EFTUD2: variants seen among roughly 807,000 people sequenced by gnomAD.
EFTUD2 encodes 116 kDa U5 small nuclear ribonucleoprotein component.
In EFTUD2, 9 loss-of-function variants were observed where a neutral mutation model predicts 114.3. The ratio of observed to expected loss-of-function variants is 0.08; its 90% confidence interval spans 0.05 to 0.14. EFTUD2 has a LOEUF of 0.14. Among genes scored for constraint, EFTUD2 ranks in the 10% least tolerant of loss-of-function variants. The pLI, the probability that EFTUD2 is intolerant of heterozygous loss-of-function variation, is 1.00. For synonymous variants in EFTUD2, 449 were observed against 462.3 expected, an observed-to-expected ratio of 0.97 and a Z score of 0.37; for missense variants, 765 against 1,241.2, an observed-to-expected ratio of 0.62 and a Z score of 5.76.
At position 44,854,946 on chromosome 17, in the gene EFTUD2, T is replaced by C. The variant is rs1387701035; in HGVS notation, c.2104A>G (p.Asn702Asp). ...LEKGLAEDIE[N>D]EVVQITWNRK... is the part of the protein sequence containing the mutation. ...TTCCACGTAATCTGGACCACCTCAT[T>C]CTCTATGTCCTCTGCCAGGCCCTTC... Residue 702 changes from asparagine (N) to aspartate (D), a missense_variant, in exon 21 of 28, where the codon AAT (asparagine) becomes GAT (aspartate). Physicochemically the swap from Asn to Asp is conservative, Grantham distance 23 (BLOSUM62 1). Transcript: ENST00000426333. This position sits in a 1 kb window ranked among gnomAD's most constrained non-coding sequence, Gnocchi z 4.3. The C allele has an allele frequency of 6.2e-7, 1 of 1,614,132 alleles. No homozygotes were observed. Among genetic ancestry groups the C allele is most frequent in the Non-Finnish European group, 8.5e-7 (1 of 1,180,010 alleles).
intron 1 of EFTUD2, 78 bp downstream of exon 1, chr17:44,899,291 C>G (rs2051467145): frequency 6.6e-6 from 1 of 152,246 alleles, no homozygotes; most frequent in Admixed American, 6.5e-5. Context: ...ATATAAGGCC[C>G]CTTCCAGATC....
chr17:44,877,520 A>C (rs148406652), intron 9 of EFTUD2, among the ~76,000 whole-genome samples: 100 of 152,246 alleles, frequency 6.6e-4, no homozygotes, highest in African/African-American at 2.4e-3. Context: ...AATTCCAACC[A>C]ATAGGCCAGG....
At chr17:44,857,879 C>A (rs954024053) in intron 19 of EFTUD2, among the ~76,000 whole-genome samples, 2 of 151,648 alleles carry the variant, frequency 1.3e-5, no homozygotes, top group African/African-American at 4.8e-5. Flanking sequence ...TAACAAAGGA[C>A]CAAGAATAAC....
rs753439433 is a variant in EFTUD2, at chr17:44,857,060, G to A, written c.2045+15C>T. ...AGGAGGCTGCAGTCCCAGGGACACT[G>A]TGCTCCCAGCTTACTTCTTATTAGG... is the stretch of plus-strand genomic sequence containing the variant. On this transcript the variant is annotated intron_variant, in intron 20 of 27. Coordinates refer to ENST00000426333, the MANE Select transcript of EFTUD2 (RefSeq NM_004247.4). 18 of 1,610,650 alleles carry A rather than the reference G, an allele frequency of 1.1e-5. No homozygotes were observed. The highest frequency in any genetic ancestry group is 5.3e-5 in the African/African-American group (4 of 74,866).
intron 11 of EFTUD2, among the ~76,000 whole-genome samples, chr17:44,871,619 G>A (rs1237377204): frequency 6.6e-6 from 1 of 152,160 alleles, no homozygotes; most frequent in Admixed American, 6.5e-5. Flanking sequence ...GATTACAGGC[G>A]TGAGCCACCG....
Position 44,851,132 on chromosome 17 carries a change from G to A in EFTUD2, c.*142C>T. 1 of 703,460 alleles carries A rather than the reference G, an allele frequency of 1.4e-6. No homozygotes were observed. The highest frequency in any genetic ancestry group is 2.5e-6 in the Non-Finnish European group (1 of 392,270). The allele number at this position is 703,460 out of a possible 1,614,324, so 43.6% of individuals were successfully genotyped here. On this transcript the variant is annotated 3_prime_UTR_variant, in exon 28 of 28. Coordinates refer to ENST00000426333, the MANE Select transcript of EFTUD2 (RefSeq NM_004247.4). ...TCTCTCACTGGGGCTCTGGGTTGGA[G>A]GTTGGTGAGTTGTTCAAGATGGCAA... is the stretch of plus-strand genomic sequence containing the variant.
intron 14 of EFTUD2, 48 bp from the exon 15 acceptor site, chr17:44,863,830 C>A: frequency 6.2e-7 from 1 of 1,603,814 alleles, no homozygotes; most frequent in Non-Finnish European, 8.5e-7. Context: ...TCCCAGGGAG[C>A]ACGAGCAGGA....
intron 2 of EFTUD2, among the ~76,000 whole-genome samples, chr17:44,887,043 A>G (rs532345016): frequency 6.6e-6 from 1 of 152,308 alleles, no homozygotes; most frequent in Admixed American, 6.5e-5. Flanking sequence ...CTTTACGGGG[A>G]AAAAAGCAAC....
chr17:44,864,924 T>C lies in EFTUD2; in HGVS notation c.1285+6A>G, dbSNP rs1216344499. ...CAGAGTTAAGGGGCCACGAGCACAT[T>C]ATTACCTGTGAACTCGCCAAAGAAC... is the stretch of plus-strand genomic sequence containing the variant. On this transcript the variant is annotated splice_donor_region_variant and intron_variant, in intron 14 of 27. Coordinates refer to ENST00000426333, the MANE Select transcript of EFTUD2 (RefSeq NM_004247.4). The C allele has an allele frequency of 1.2e-6, 2 of 1,613,964 alleles. No homozygotes were observed. The highest frequency in any genetic ancestry group is 2.7e-5 in the African/African-American group (2 of 75,016).
intron 20 of EFTUD2, among the ~76,000 whole-genome samples, chr17:44,856,179 A>G (rs2050549810): frequency 1.4e-5 from 2 of 144,078 alleles, no homozygotes; most frequent in South Asian, 4.6e-4. Flanking sequence ...GGCAAGGTGG[A>G]GCAAAAAGGG....
In EFTUD2 at chr17:44,868,268, C is replaced by T. The variant is rs759667358; in HGVS notation, c.1058+19G>A. The stretch of plus-strand genomic sequence containing the variant: ...AAATGATCACCCCTCTGGAAAGTCA[C>T]GTCCCATACTCTACTTACGTCTTAG... On this transcript the variant is annotated intron_variant, in intron 12 of 27. Coordinates refer to ENST00000426333, the MANE Select transcript of EFTUD2 (RefSeq NM_004247.4). 15 of 1,610,532 alleles carry T rather than the reference C, an allele frequency of 9.3e-6. No individual in the cohort carries two copies. Among genetic ancestry groups the T allele is most frequent in the Admixed American group, 1.7e-5 (1 of 59,600 alleles).
intron 18 of EFTUD2, 190 bp downstream of exon 18, chr17:44,859,713 AAC>A: frequency 2.5e-5 from 21 of 836,512 alleles, no homozygotes; most frequent in Non-Finnish European, 3.1e-5. Context: ...GTCTTGTTTT[AAC>A]ACACACACAT....
Position 44,863,696 on chromosome 17 carries a change from C to T in EFTUD2, c.1372G>A (p.Asp458Asn), listed in dbSNP as rs1310533936. Residue 458 changes from aspartate (D) to asparagine (N), a missense_variant, in exon 15 of 28, where the codon GAC (aspartate) becomes AAC (asparagine). Around this residue, in one of 6 missense-constraint regions of EFTUD2, gnomAD observed 59 missense variants for 50.1 expected, o/e 1.18. Coordinates refer to ENST00000426333, the MANE Select transcript of EFTUD2 (RefSeq NM_004247.4). ...CTCATAGCCTCGCCGAGGTCGGAGT[C>T]CACACCACCGGTGTAGGTGTGCTCA... ...KIEHTYTGGV[D>N]SDLGEAMSDC... The T allele has an allele frequency of 6.2e-7, 1 of 1,614,176 alleles. No individual in the cohort carries two copies. Among genetic ancestry groups the T allele is most frequent in the East Asian group, 2.2e-5 (1 of 44,882 alleles).
chr17:44,875,850 T>C, intron 10 of EFTUD2, 84 bp downstream of exon 10: 3 of 1,521,416 alleles, frequency 2.0e-6, no homozygotes, highest in Non-Finnish European at 2.7e-6. Flanking sequence ...CGCTTAGAAA[T>C]AAATCACAGT....
At chr17:44,894,916 A>G (rs1177895065) in intron 1 of EFTUD2, among the ~76,000 whole-genome samples, 1 of 152,266 alleles carries the variant, frequency 6.6e-6, no homozygotes, top group East Asian at 1.9e-4. Context: ...AAAACAACTC[A>G]GTATCAAAAA....
chr17:44,895,348 T>C (rs190613068), intron 1 of EFTUD2, among the ~76,000 whole-genome samples: 1 of 152,208 alleles, frequency 6.6e-6, no homozygotes, highest in East Asian at 1.9e-4. Flanking sequence ...ATACAAAAAT[T>C]AGCTGGGTAC....
chr17:44,862,384 G>C (rs1251243533), intron 16 of EFTUD2, among the ~76,000 whole-genome samples: 2 of 152,118 alleles, frequency 1.3e-5, no homozygotes, highest in Admixed American at 6.5e-5. Flanking sequence ...GCAGTGAGCT[G>C]AGATTGTGCC....
chr17:44,887,850 C>T (rs2051201838), intron 2 of EFTUD2, among the ~76,000 whole-genome samples: 1 of 152,150 alleles, frequency 6.6e-6, no homozygotes, highest in Admixed American at 6.5e-5. Context: ...CAAATTAACC[C>T]ATAGTCATAT....
At chr17:44,881,750 C>A in intron 6 of EFTUD2, 28 bp from the exon 7 acceptor site, 15 of 1,613,098 alleles carry the variant, frequency 9.3e-6, no homozygotes, top group Non-Finnish European at 1.3e-5. Flanking sequence ...GTTGTTACCA[C>A]CTGAGTTGAG....
Sources: allele counts gnomAD v4.1 joint callset (sites outside exome capture counted in the v4.1 genomes callset), GRCh38; gene constraint gnomAD v4.1.1; regional missense constraint gnomAD v4.1.1; non-coding constraint Gnocchi (gnomAD v3.1); transcripts MANE v1.5; gene names NCBI Gene and HGNC (gene_info 2026-07-23, HGNC 2026-07-21).